The following SNN variants were observed in gnomAD, a reference collection of about 807,000 sequenced individuals.
The protein encoded by SNN is stannin, also known as AG8_1.
Under a neutral mutation model 5.3 loss-of-function variants are expected in SNN, and 5 were observed. That is an observed-to-expected ratio of 0.94 (90% CI 0.49 to 1.97). The LOEUF is 1.97. SNN is among the 30% of genes most tolerant of loss of function. The pLI is 0.01. For missense variants in SNN, 127 were observed against 121.6 expected, an observed-to-expected ratio of 1.04 and a Z score of -0.21; for synonymous variants, 67 against 52.1, an observed-to-expected ratio of 1.29 and a Z score of -1.24.
intron 1 of SNN, among the ~76,000 whole-genome samples, chr16:11,669,331 C>G (rs925327923): frequency 2.6e-5 from 4 of 152,254 alleles, no homozygotes; most frequent in African/African-American, 9.6e-5. Context: ...CCAGGTCGCC[C>G]AGCCCGCCCC....
chr16:11,675,826 CTGGGTGAGCG>C (rs1221254483), intron 1 of SNN, 139 bp from the exon 2 acceptor site: 5 of 487,778 alleles, frequency 1.0e-5, no homozygotes, highest in African/African-American at 1.9e-5. Context: ...TGAACAGGAG[CTGGGTGAGCG>C]TGGGTGAGCA....
At chr16:11,675,694 A>G (rs1167743966) in intron 1 of SNN, among the ~76,000 whole-genome samples, 1 of 152,188 alleles carries the variant, frequency 6.6e-6, no homozygotes, top group Non-Finnish European at 1.5e-5. Flanking sequence ...GAAGAACCAG[A>G]ACCATGTCTG....
Position 11,679,034 on chromosome 16 carries a change from G to A in SNN, c.*2708G>A. 1.3e-6 allele frequency: 1 copy of A among 765,104 alleles called. No homozygotes were observed. The highest frequency in any genetic ancestry group is 2.1e-6 in the Non-Finnish European group (1 of 476,370). 47.4% of individuals were successfully genotyped at this position (765,104 alleles called of 1,614,324 possible). A position where few individuals can be genotyped will look rare whatever the true frequency, so the allele number is the denominator to read the frequency against. ...AGCTACCAAGTTTGTGCAATAAGTGGAAGGGATGTCATCCTTCTTCAATAA... is the reference window on the plus strand; with the variant it reads ...AGCTACCAAGTTTGTGCAATAAGTGAAAGGGATGTCATCCTTCTTCAATAA... On this transcript the variant is annotated 3_prime_UTR_variant, in exon 2 of 2. Coordinates refer to ENST00000329565, the MANE Select transcript of SNN (RefSeq NM_003498.6). This position sits in a 1 kb window ranked among gnomAD's most constrained non-coding sequence, Gnocchi z 4.6.
intron 1 of SNN, among the ~76,000 whole-genome samples, chr16:11,673,137 G>C (rs1260188043): frequency 6.6e-6 from 1 of 152,140 alleles, no homozygotes; most frequent in Admixed American, 6.5e-5. Context: ...TTCTTGCAGG[G>C]AGAGAACACA....
intron 1 of SNN, among the ~76,000 whole-genome samples, chr16:11,675,733 C>T (rs1238929127): frequency 2.6e-5 from 4 of 152,312 alleles, no homozygotes; most frequent in Admixed American, 2.6e-4. Flanking sequence ...CTGCAGCTGT[C>T]GCTGTCGCAG....
Position 11,676,018 on chromosome 16 carries a change from C to A in SNN, c.-42C>A. ...GAGTTCCAGCCTCACTGAGTGGCCA[C>A]CCCCAAAGTGCTGCCAGCCGAGGAA... is the stretch of plus-strand genomic sequence containing the variant. On this transcript the variant is annotated 5_prime_UTR_variant, in exon 2 of 2. Coordinates refer to ENST00000329565, the MANE Select transcript of SNN (RefSeq NM_003498.6). The A allele has an allele frequency of 6.5e-7, 1 of 1,540,586 alleles. No individual in the cohort carries two copies. Among genetic ancestry groups the A allele is most frequent in the South Asian group, 1.2e-5 (1 of 80,746 alleles).
At chr16:11,673,926 A>G (rs2050282033) in intron 1 of SNN, among the ~76,000 whole-genome samples, 1 of 152,168 alleles carries the variant, frequency 6.6e-6, no homozygotes, top group Non-Finnish European at 1.5e-5. Context: ...AAGGCAGTGG[A>G]ATGGAGGGAG....
In SNN at chr16:11,676,492, C is replaced by G; in HGVS notation, c.*166C>G. On this transcript the variant is annotated 3_prime_UTR_variant, in exon 2 of 2. Coordinates refer to ENST00000329565, the MANE Select transcript of SNN (RefSeq NM_003498.6). ...ACTGATGCCCGGGGACCTGGCTGTC[C>G]TGGGCTTCCCCTCGGCCTCCAGGTG... 1 of 855,000 alleles carries G rather than the reference C, an allele frequency of 1.2e-6. No homozygotes were observed. The highest frequency in any genetic ancestry group is 1.8e-6 in the Non-Finnish European group (1 of 556,754). 53.0% of individuals were successfully genotyped at this position (855,000 alleles called of 1,614,324 possible).
chr16:11,674,929 C>T (rs966672030), intron 1 of SNN, among the ~76,000 whole-genome samples: 2 of 152,188 alleles, frequency 1.3e-5, no homozygotes, highest in African/African-American at 4.8e-5. Context: ...AGATGCTAAG[C>T]ACCATCAGGG....
intron 1 of SNN, among the ~76,000 whole-genome samples, chr16:11,670,389 G>GGCA (rs964212162): frequency 6.6e-6 from 1 of 152,188 alleles, no homozygotes; most frequent in African/African-American, 2.4e-5. Context: ...GTTAGGAGGA[G>GGCA]GCAGCGTGTC....
Position 11,671,062 on chromosome 16 carries a change from C to T in SNN, c.-86+2522C>T, listed in dbSNP as rs1431358500. Among the ~76,000 whole-genome samples, 3 of 152,214 alleles carry T rather than the reference C, an allele frequency of 2.0e-5. No homozygotes were observed. In the East Asian group the frequency reaches 5.8e-4, roughly 29 times the overall value. ...GGAGTGGCCAAGGGCGGTGCAGGCC[C>T]CCGCTCACCTGGCATGGCTCAGGCT... On this transcript the variant is annotated intron_variant, in intron 1 of 1. Transcript: ENST00000329565. The surrounding 1 kb of genome is among the most constrained non-coding windows in gnomAD (Gnocchi z 4.7).
rs1468451757 is a variant in SNN, at chr16:11,678,452, C to G, written c.*2126C>G. On this transcript the variant is annotated 3_prime_UTR_variant, in exon 2 of 2. Coordinates refer to ENST00000329565, the MANE Select transcript of SNN (RefSeq NM_003498.6). ...TGCATTTTCAGGTTCCGAGCCTGAC[C>G]CCTGGAACTGACCAGCGCTCGATTG... The G allele has an allele frequency of 6.0e-6, 1 of 167,128 alleles. No individual in the cohort carries two copies. The highest frequency in any genetic ancestry group is 1.5e-5 in the Non-Finnish European group (1 of 68,200). 10.4% of individuals were successfully genotyped at this position (167,128 alleles called of 1,614,324 possible). A position where few individuals can be genotyped will look rare whatever the true frequency, so the allele number is the denominator to read the frequency against.
chr16:11,669,371 C>G (rs1191364946), intron 1 of SNN, among the ~76,000 whole-genome samples: 1 of 152,242 alleles, frequency 6.6e-6, no homozygotes, highest in East Asian at 1.9e-4. Context: ...TTCACCTGTC[C>G]GCGGCCCCTC....
chr16:11,675,782 C>T (rs758738960), intron 1 of SNN, among the ~76,000 whole-genome samples, 193 bp from the exon 2 acceptor site: 12 of 152,214 alleles, frequency 7.9e-5, no homozygotes, highest in Non-Finnish European at 1.3e-4. Flanking sequence ...GACTCACCTG[C>T]CTGGTACAGC....
In SNN at chr16:11,668,752, C is replaced by A. The variant is rs1356575849; in HGVS notation, c.-86+212C>A. Among the ~76,000 whole-genome samples the A allele has an allele frequency of 1.3e-5, 2 of 150,370 alleles. No homozygotes were observed. The highest frequency in any genetic ancestry group is 3.0e-5 in the Non-Finnish European group (2 of 67,370). ...GCGGGCTGGGGTTCTTTGTCAGCGG[C>A]GCTGCGGCGAGATCCGGACAAAGGA... On this transcript the variant is annotated intron_variant, in intron 1 of 1. Transcript: ENST00000329565. This position sits in a 1 kb window ranked among gnomAD's most constrained non-coding sequence, Gnocchi z 6.8.
rs372410064 is a variant in SNN, at chr16:11,671,260, C to G, written c.-86+2720C>G. ...TAGTGGGTGGGTGGGATCCGAGAGT[C>G]AGGACCCCCTTGGCAGAGGATGGCA... On this transcript the variant is annotated intron_variant, in intron 1 of 1. Transcript: ENST00000329565. This position sits in a 1 kb window ranked among gnomAD's most constrained non-coding sequence, Gnocchi z 4.7. 1.4e-4 allele frequency among the ~76,000 whole-genome samples: 21 copies of G among 152,258 alleles called. No individual in the cohort carries two copies. In the South Asian group the frequency reaches 4.1e-3, roughly 30 times the overall value.
chr16:11,674,666 G>T (rs532862518), intron 1 of SNN, among the ~76,000 whole-genome samples: 6 of 152,154 alleles, frequency 3.9e-5, no homozygotes, highest in African/African-American at 1.4e-4. Context: ...CCTCATCCCC[G>T]CTCCCACCCA....
At chr16:11,673,993 C>A (rs1344638220) in intron 1 of SNN, among the ~76,000 whole-genome samples, 1 of 152,222 alleles carries the variant, frequency 6.6e-6, no homozygotes, top group Non-Finnish European at 1.5e-5. Flanking sequence ...CGGGCCTGGT[C>A]CCTGGACAGA....
rs773995717 is a variant in SNN at position 11,676,780 on chromosome 16, G to C, written c.*454G>C. 1.8e-4 allele frequency: 33 copies of C among 183,264 alleles called. No homozygotes were observed. Among genetic ancestry groups the C allele is most frequent in the Non-Finnish European group, 3.7e-4 (28 of 76,432 alleles). 11.4% of individuals were successfully genotyped at this position (183,264 alleles called of 1,614,324 possible). On this transcript the variant is annotated 3_prime_UTR_variant, in exon 2 of 2. Transcript: ENST00000329565. ...TGACAAGCTGAGTCAAGACCCTGGA[G>C]GGTCATAGGCTTGTAAAGGCCCACG... is the stretch of plus-strand genomic sequence containing the variant.
Sources: gnomAD v4.1 joint callset for allele counts (sites outside exome capture counted in the v4.1 genomes callset) on GRCh38, gnomAD v4.1.1 for gene constraint, Gnocchi (gnomAD v3.1) non-coding constraint, MANE v1.5 for transcripts, NCBI Gene and HGNC (gene_info 2026-07-23, HGNC 2026-07-21) for gene names.